Variants in MKNK2 observed in about 807,000 individuals in gnomAD.
MKNK2 encodes the protein MAP kinase-interacting serine/threonine-protein kinase 2.
A neutral mutation model predicts 55.0 loss-of-function variants in MKNK2; 54 were observed. The observed-to-expected ratio is 0.98, with a 90% CI of 0.79 to 1.23. MKNK2 has a LOEUF of 1.23. Ranked by LOEUF, MKNK2 falls within the 50% of genes most tolerant of loss-of-function variation. The pLI is 0.00. For missense variants in MKNK2, 685 were observed against 632.1 expected (o/e 1.08, Z -0.90); for synonymous variants, 323 against 256.0 (o/e 1.26, Z -2.50).
chr19:2,050,596 T>G (rs2017093660), intron 2 of MKNK2, among the ~76,000 whole-genome samples: 1 of 152,014 alleles, frequency 6.6e-6, no homozygotes. Context: ...CGGCCATGGC[T>G]GGAGAGAGGA....
At chr19:2,045,090 C>A (rs1426230343) in intron 5 of MKNK2, among the ~76,000 whole-genome samples, 4 of 152,198 alleles carry the variant, frequency 2.6e-5, no homozygotes, top group Admixed American at 6.5e-5. Flanking sequence ...TGCCACCTGG[C>A]CAGACCAACT....
chr19:2,045,920 C>T (rs533852270), intron 5 of MKNK2, among the ~76,000 whole-genome samples: 2 of 152,352 alleles, frequency 1.3e-5, no homozygotes, highest in South Asian at 4.1e-4. Context: ...TGAAACCAAA[C>T]TGTCATGTAC....
chr19:2,039,519 G>C lies in MKNK2; in HGVS notation c.*94C>G, dbSNP rs1054667285. 25 of 1,475,486 alleles carry C rather than the reference G, an allele frequency of 1.7e-5. No individual in the cohort carries two copies. The South Asian group carries it at 3.3e-4, about 20-fold the overall frequency. 91.4% of individuals were successfully genotyped at this position (1,475,486 alleles called of 1,614,324 possible). ...TGCCTGGGAATCCAGGCAGAGGAGG[G>C]GCAGCCCGCTGGACACCGGCTGGCG... On this transcript the variant is annotated 3_prime_UTR_variant, in exon 14 of 14. Coordinates refer to ENST00000250896, the MANE Select transcript of MKNK2 (RefSeq NM_199054.3).
intron 5 of MKNK2, 31 bp downstream of exon 5, chr19:2,046,155 C>T: frequency 1.3e-6 from 2 of 1,599,170 alleles, no homozygotes; most frequent in African/African-American, 2.7e-5. Flanking sequence ...TCCCAAGGCG[C>T]TGGGTTCCCC....
chr19:2,046,927 C>A (rs1412952451), intron 2 of MKNK2, among the ~76,000 whole-genome samples: 1 of 152,236 alleles, frequency 6.6e-6, no homozygotes, highest in African/African-American at 2.4e-5. Flanking sequence ...CACCTCCTCG[C>A]TGCCCCACAC....
intron 5 of MKNK2, 74 bp from the exon 6 acceptor site, chr19:2,043,656 T>A: frequency 7.5e-7 from 1 of 1,325,392 alleles, no homozygotes; most frequent in Non-Finnish European, 1.1e-6. Flanking sequence ...GAAACTCCAC[T>A]GCCACGGCTG....
chr19:2,050,538 G>A (rs1298276949), intron 2 of MKNK2, among the ~76,000 whole-genome samples: 2 of 152,204 alleles, frequency 1.3e-5, no homozygotes, highest in Non-Finnish European at 2.9e-5. Flanking sequence ...GACCCGGAGG[G>A]GGCTCCTGCT....
At chr19:2,050,666 C>G (rs1198666151) in intron 2 of MKNK2, 135 bp downstream of exon 2, 1 of 765,722 alleles carries the variant, frequency 1.3e-6, no homozygotes, top group African/African-American at 1.9e-5. Flanking sequence ...ACGGCCGGCC[C>G]GGGCAGCCCC....
chr19:2,049,658 T>C (rs1182168117), intron 2 of MKNK2, among the ~76,000 whole-genome samples: 1 of 152,172 alleles, frequency 6.6e-6, no homozygotes, highest in Non-Finnish European at 1.5e-5. Flanking sequence ...GCTGGCCCCA[T>C]GCACTGACTC....
rs3746098 is a variant in MKNK2, at chr19:2,039,331, G to A, written c.*282C>T. ...GTAGAGGTGAGCAGGGCGGGGGACC[G>A]GGGAGGGGACAAGCCCACCCACCTA... is the stretch of plus-strand genomic sequence containing the variant. On this transcript the variant is annotated 3_prime_UTR_variant, in exon 14 of 14. Coordinates refer to ENST00000250896, the MANE Select transcript of MKNK2 (RefSeq NM_199054.3). The A allele has an allele frequency of 0.17, 225,689 of 1,308,722 alleles. 20,221 individuals are homozygous for A. The highest frequency in any genetic ancestry group is 0.18 in the Admixed American group (5,437 of 29,798). The allele number at this position is 1,308,722 out of a possible 1,614,324, so 81.1% of individuals were successfully genotyped here.
intron 5 of MKNK2, among the ~76,000 whole-genome samples, chr19:2,045,068 T>A (rs536152528): frequency 6.6e-6 from 1 of 151,980 alleles, no homozygotes; most frequent in East Asian, 1.9e-4. Flanking sequence ...CCAGGACACC[T>A]CCTCCTCCCA....
At chr19:2,040,420 C>A in intron 12 of MKNK2, 1 of 513,724 alleles carries the variant, frequency 1.9e-6, no homozygotes, top group Non-Finnish European at 3.4e-6. Context: ...GTTACAGGAC[C>A]CAGTGAGGGT....
intron 6 of MKNK2, 87 bp from the exon 7 acceptor site, chr19:2,043,284 C>G: frequency 8.4e-7 from 1 of 1,188,434 alleles, no homozygotes; most frequent in Non-Finnish European, 1.2e-6. Context: ...GGCCCACCCT[C>G]TTGGTGCTGG....
In MKNK2 at chr19:2,038,585, G is replaced by A. The variant is rs1309964693; in HGVS notation, c.*1028C>T. 7 of 985,392 alleles carry A rather than the reference G, an allele frequency of 7.1e-6. No individual in the cohort carries two copies. The highest frequency in any genetic ancestry group is 8.4e-6 in the Non-Finnish European group (7 of 829,894). The allele number at this position is 985,392 out of a possible 1,614,324, so 61.0% of individuals were successfully genotyped here. On this transcript the variant is annotated 3_prime_UTR_variant, in exon 14 of 14. Transcript: ENST00000250896. Reference sequence around the variant, plus strand: ...ACCAAAAACACTGCCCTGGGGGTGAGGATTCGGCCAGACCCCGGGGTCTGG... The same window carrying A: ...ACCAAAAACACTGCCCTGGGGGTGAAGATTCGGCCAGACCCCGGGGTCTGG...
Position 2,038,677 on chromosome 19 carries a change from G to A in MKNK2, c.*936C>T. ...GGTCAGGCCCGAGGGGCGGCGCGAGGCAGGACGTGGCTACGGTCAGACTGA... is the reference window on the plus strand; with the variant it reads ...GGTCAGGCCCGAGGGGCGGCGCGAGACAGGACGTGGCTACGGTCAGACTGA... On this transcript the variant is annotated 3_prime_UTR_variant, in exon 14 of 14. Transcript: ENST00000250896. 1 of 985,754 alleles carries A rather than the reference G, an allele frequency of 1.0e-6. No individual in the cohort carries two copies. The highest frequency in any genetic ancestry group is 1.2e-6 in the Non-Finnish European group (1 of 830,150). 61.1% of individuals were successfully genotyped at this position (985,754 alleles called of 1,614,324 possible).
intron 2 of MKNK2, 28 bp from the exon 3 acceptor site, chr19:2,046,719 T>C (rs1247749155): frequency 1.5e-5 from 22 of 1,476,116 alleles, no homozygotes; most frequent in Non-Finnish European, 2.0e-5. Flanking sequence ...GGAGAGGCAC[T>C]CAGGCCCCAT....
intron 2 of MKNK2, among the ~76,000 whole-genome samples, chr19:2,048,744 C>T (rs1228036903): frequency 1.3e-5 from 2 of 152,054 alleles, no homozygotes; most frequent in African/African-American, 4.8e-5. Context: ...TCCCCACCCA[C>T]CCTGGCTCGG....
intron 5 of MKNK2, 108 bp from the exon 6 acceptor site, chr19:2,043,690 G>T: frequency 4.0e-6 from 4 of 1,008,970 alleles, no homozygotes; most frequent in Non-Finnish European, 6.0e-6. Flanking sequence ...TTAACGCCCT[G>T]CAACTCTAGA....
In MKNK2 at chr19:2,050,897, G is replaced by C. The variant is rs1285179877; in HGVS notation, c.-46C>G. The C allele has an allele frequency of 2.7e-6, 4 of 1,458,786 alleles. No homozygotes were observed. In the African/African-American group the frequency reaches 4.4e-5, roughly 16 times the overall value. 90.4% of individuals were successfully genotyped at this position (1,458,786 alleles called of 1,614,324 possible). A position where few individuals can be genotyped will look rare whatever the true frequency, so the allele number is the denominator to read the frequency against. The stretch of plus-strand genomic sequence containing the variant: ...GCGGGGGAGGGGACCGAGGGCCCGG[G>C]GGGAGGCCCGAGGGCGGGCGGCCGG... On this transcript the variant is annotated 5_prime_UTR_variant, in exon 2 of 14. Coordinates refer to ENST00000250896, the MANE Select transcript of MKNK2 (RefSeq NM_199054.3).
Sources: gnomAD v4.1 joint callset for allele counts (sites outside exome capture counted in the v4.1 genomes callset) on GRCh38, gnomAD v4.1.1 for gene constraint, MANE v1.5 for transcripts, NCBI Gene and HGNC (gene_info 2026-07-23, HGNC 2026-07-21) for gene names.